The following BPHL variants were observed in gnomAD, a reference collection of about 807,000 sequenced individuals.
BPHL encodes the protein biphenyl hydrolase like, also known as serine hydrolase BPHL.
BPHL carries 27 observed loss-of-function variants against 31.2 expected under a neutral mutation model. The observed-to-expected ratio is 0.87, with a 90% CI of 0.64 to 1.19. The LOEUF is 1.19. BPHL is among the 50% of genes most tolerant of loss of function. The pLI is 0.00. For missense variants in BPHL, 356 were observed against 375.7 expected, an observed-to-expected ratio of 0.95 and a Z score of 0.43; for synonymous variants, 150 against 146.8, an observed-to-expected ratio of 1.02 and a Z score of -0.16.
intron 4 of BPHL, among the ~76,000 whole-genome samples, chr6:3,133,123 T>C (rs1479737782): frequency 1.3e-5 from 2 of 152,210 alleles, no homozygotes; most frequent in Non-Finnish European, 2.9e-5. Context: ...GTGATATCCA[T>C]GTAAGGTCTC....
intron 6 of BPHL, among the ~76,000 whole-genome samples, chr6:3,151,252 G>A (rs2113781711): frequency 6.6e-6 from 1 of 152,298 alleles, no homozygotes. Flanking sequence ...AAGGCCTTGA[G>A]TGTCCCTGCA....
At position 3,140,570 on chromosome 6, in the gene BPHL, A is replaced by G. The variant is rs1396579666; in HGVS notation, c.788+61A>G. The G allele has an allele frequency of 6.9e-6, 11 of 1,600,930 alleles. No individual in the cohort carries two copies. In the East Asian group the frequency reaches 2.0e-4, roughly 29 times the overall value. ...AGCCTCGGAGTCAATGGGCAAAGCT[A>G]CTGGAAGGAAAATAACCAAGAGGAG... On this transcript the variant is annotated intron_variant, in intron 6 of 6. Transcript: ENST00000380379. The surrounding 1 kb of genome is among the most constrained non-coding windows in gnomAD (Gnocchi z 5.2).
At chr6:3,123,159 G>A (rs1031770463) in intron 1 of BPHL, among the ~76,000 whole-genome samples, 3 of 152,218 alleles carry the variant, frequency 2.0e-5, no homozygotes, top group African/African-American at 4.8e-5. Flanking sequence ...AGTTCAGATC[G>A]GCAGTCTAGT....
In BPHL at chr6:3,152,774, C is replaced by T. The variant is rs1349697456; in HGVS notation, c.*199C>T. 1 of 472,298 alleles carries T rather than the reference C, an allele frequency of 2.1e-6. No homozygotes were observed. Among genetic ancestry groups the T allele is most frequent in the Non-Finnish European group, 3.7e-6 (1 of 269,442 alleles). The allele number at this position is 472,298 out of a possible 1,614,324, so 29.3% of individuals were successfully genotyped here. A position where few individuals can be genotyped will look rare whatever the true frequency, so the allele number is the denominator to read the frequency against. ...GGGCACGGTGGCTCACAGCTATAAT[C>T]TCAGCACTTTGGGAGGCTGAGGTGG... On this transcript the variant is annotated 3_prime_UTR_variant, in exon 7 of 7. Transcript: ENST00000380379.
chr6:3,144,381 T>TGTTG (rs1762265299), intron 6 of BPHL, among the ~76,000 whole-genome samples: 3 of 94,556 alleles, frequency 3.2e-5, no homozygotes, highest in Non-Finnish European at 5.0e-5. Flanking sequence ...TCTTTTTTTT[T>TGTTG]TTTTTTTTTG....
Position 3,140,052 on chromosome 6 carries a change from C to G in BPHL, c.665-334C>G. ...AAGCTCTACAGGTGTCAAGCACCTA[C>G]CACTGTTTTCACGGTGGGAACCGCC... is the stretch of plus-strand genomic sequence containing the variant. On this transcript the variant is annotated intron_variant, in intron 5 of 6. Transcript: ENST00000380379. This position sits in a 1 kb window ranked among gnomAD's most constrained non-coding sequence, Gnocchi z 5.2. 3.4e-6 allele frequency: 1 copy of G among 296,532 alleles called. No homozygotes were observed. Among genetic ancestry groups the G allele is most frequent in the Non-Finnish European group, 6.4e-6 (1 of 156,586 alleles). The allele number at this position is 296,532 out of a possible 1,614,324, so 18.4% of individuals were successfully genotyped here.
chr6:3,143,627 CTCCCGTG>C (rs1762237015), intron 6 of BPHL, among the ~76,000 whole-genome samples: 1 of 152,220 alleles, frequency 6.6e-6, no homozygotes, highest in African/African-American at 2.4e-5. Context: ...GCCTTTCTGC[CTCCCGTG>C]TCCACATTTC....
At chr6:3,131,843 C>T (rs1761878206) in intron 4 of BPHL, among the ~76,000 whole-genome samples, 1 of 152,214 alleles carries the variant, frequency 6.6e-6, no homozygotes, top group Non-Finnish European at 1.5e-5. Flanking sequence ...ATATTCACCC[C>T]TGACACAGCT....
chr6:3,151,593 G>A (rs1762526040), intron 6 of BPHL, among the ~76,000 whole-genome samples: 1 of 152,084 alleles, frequency 6.6e-6, no homozygotes, highest in South Asian at 2.1e-4. Context: ...AAAAAATTAG[G>A]GAACATGATA....
At chr6:3,131,571 A>C (rs1428800671) in intron 4 of BPHL, among the ~76,000 whole-genome samples, 8 of 152,122 alleles carry the variant, frequency 5.3e-5, no homozygotes, top group Admixed American at 4.6e-4. Context: ...TGTAAGGCAA[A>C]AATCTAATCA....
intron 6 of BPHL, among the ~76,000 whole-genome samples, chr6:3,141,349 G>T (rs1027059675): frequency 1.3e-5 from 2 of 152,088 alleles, no homozygotes; most frequent in African/African-American, 4.8e-5. Flanking sequence ...ACTGCGGGTG[G>T]ACAAAGAGGT....
intron 6 of BPHL, among the ~76,000 whole-genome samples, chr6:3,150,634 CAGAGCATGTGATTAG>C (rs2113781161): frequency 6.6e-6 from 1 of 152,306 alleles, no homozygotes; most frequent in East Asian, 1.9e-4. Flanking sequence ...GTGCTCTCCA[CAGAGCATGTGATTAG>C]ATCTTTTTGT....
chr6:3,148,484 G>A (rs1309360809), intron 6 of BPHL, among the ~76,000 whole-genome samples: 1 of 152,250 alleles, frequency 6.6e-6, no homozygotes, highest in Non-Finnish European at 1.5e-5. Context: ...AGTGAAGCCA[G>A]GTTCTGGTGG....
At position 3,137,630 on chromosome 6, in the gene BPHL, T is replaced by C. The variant is rs1561795361; in HGVS notation, c.664+137T>C. On this transcript the variant is annotated intron_variant, in intron 5 of 6. Coordinates refer to ENST00000380379, the MANE Select transcript of BPHL (RefSeq NM_004332.4). Reference sequence around the variant, plus strand: ...GCTCATGTGTGAGCAGAACAGAGAATACTAGTTCTTGTGTACTGTGCCAGT... The same window carrying C: ...GCTCATGTGTGAGCAGAACAGAGAACACTAGTTCTTGTGTACTGTGCCAGT... 6 of 1,305,104 alleles carry C rather than the reference T, an allele frequency of 4.6e-6. No homozygotes were observed. In the East Asian group the frequency reaches 1.4e-4, roughly 31 times the overall value. The allele number at this position is 1,305,104 out of a possible 1,614,324, so 80.8% of individuals were successfully genotyped here. A position where few individuals can be genotyped will look rare whatever the true frequency, so the allele number is the denominator to read the frequency against.
At chr6:3,122,283 A>G (rs1321504750) in intron 1 of BPHL, among the ~76,000 whole-genome samples, 1 of 152,178 alleles carries the variant, frequency 6.6e-6, no homozygotes, top group African/African-American at 2.4e-5. Flanking sequence ...CCATCTCAAA[A>G]AATAAATAAA....
At position 3,150,058 on chromosome 6, in the gene BPHL, G is replaced by A. The variant is rs556977128; in HGVS notation, c.789-2430G>A. ...CGTCAGAAGGAATGCCTGAAGAAGT[G>A]ATATGCCATGTTGCTGCCCAGTTTC... On this transcript the variant is annotated intron_variant, in intron 6 of 6. Transcript: ENST00000380379. 2.0e-5 allele frequency: 3 copies of A among 152,370 alleles called. No individual in the cohort carries two copies. The East Asian group carries it at 5.8e-4, about 29-fold the overall frequency. 9.4% of individuals were successfully genotyped at this position (152,370 alleles called of 1,614,324 possible). A position where few individuals can be genotyped will look rare whatever the true frequency, so the allele number is the denominator to read the frequency against.
intron 4 of BPHL, among the ~76,000 whole-genome samples, chr6:3,130,988 C>CG (rs1203780442): frequency 6.6e-6 from 1 of 152,056 alleles, no homozygotes; most frequent in Non-Finnish European, 1.5e-5. Flanking sequence ...TGTCCCCTCC[C>CG]GCGGCCTCTA....
At chr6:3,144,379 T>TTTTTTG (rs201095637) in intron 6 of BPHL, among the ~76,000 whole-genome samples, 6,248 of 68,372 alleles carry the variant, frequency 0.091, 510 homozygotes, top group African/African-American at 0.23. Context: ...CTTCTTTTTT[T>TTTTTTG]TTTTTTTTTT....
chr6:3,120,570 C>T (rs868757884), intron 1 of BPHL, among the ~76,000 whole-genome samples: 114 of 152,190 alleles, frequency 7.5e-4, no homozygotes, highest in African/African-American at 2.7e-3. Context: ...TAAAAGGATT[C>T]GTGTAAAAAC....
Sources: gnomAD v4.1 joint callset for allele counts (sites outside exome capture counted in the v4.1 genomes callset) on GRCh38, gnomAD v4.1.1 for gene constraint, Gnocchi (gnomAD v3.1) non-coding constraint, MANE v1.5 for transcripts, NCBI Gene and HGNC (gene_info 2026-07-23, HGNC 2026-07-21) for gene names.